Variants in TRHDE observed in about 807,000 individuals in gnomAD.
TRHDE encodes the protein thyrotropin-releasing hormone-degrading ectoenzyme.
TRHDE carries 72 observed loss-of-function variants against 125.7 expected under a neutral mutation model. The observed-to-expected ratio is 0.57, with a 90% confidence interval of 0.47 to 0.70. The LOEUF is 0.70. Among genes scored for constraint, TRHDE ranks in the 30% least tolerant of loss-of-function variants. The pLI, the probability that TRHDE is intolerant of heterozygous loss-of-function variation, is 0.00. For synonymous variants in TRHDE, 509 were observed against 509.1 expected (o/e 1.00, Z 0.00); for missense variants, 1,110 against 1,327.1 (o/e 0.84, Z 2.54).
chr12:72,174,654 T>C (rs1592470067), intron 2 of TRHDE, among the ~76,000 whole-genome samples: 1 of 152,170 alleles, frequency 6.6e-6, no homozygotes, highest in African/African-American at 2.4e-5. Flanking sequence ...CGTCTTTTAG[T>C]TGGAATTTGT....
intron 2 of TRHDE, among the ~76,000 whole-genome samples, chr12:72,320,442 A>G (rs890432832): frequency 1.3e-5 from 2 of 152,012 alleles, no homozygotes; most frequent in Non-Finnish European, 1.5e-5. Flanking sequence ...AAATCTGTAC[A>G]TGTTCAGTGC....
chr12:72,465,887 C>T (rs1317144629), intron 3 of TRHDE, among the ~76,000 whole-genome samples: 1 of 152,130 alleles, frequency 6.6e-6, no homozygotes, highest in Non-Finnish European at 1.5e-5. Context: ...CCTACTCTGC[C>T]GTTTATAATC....
chr12:72,344,847 T>C (rs1870243095), intron 2 of TRHDE, among the ~76,000 whole-genome samples: 1 of 152,006 alleles, frequency 6.6e-6, no homozygotes, highest in African/African-American at 2.4e-5. Flanking sequence ...CACCCCTGGC[T>C]GCACATCTGT....
chr12:72,250,737 A>G (rs1878662686), intron 2 of TRHDE, among the ~76,000 whole-genome samples: 1 of 151,476 alleles, frequency 6.6e-6, no homozygotes, highest in Non-Finnish European at 1.5e-5. Context: ...AGAAAAGGCC[A>G]GAGATAGTCT....
intron 2 of TRHDE, among the ~76,000 whole-genome samples, chr12:72,124,775 G>A (rs1039229902): frequency 3.3e-5 from 5 of 152,116 alleles, no homozygotes; most frequent in Non-Finnish European, 5.9e-5. Context: ...CAGGCATGGT[G>A]GCACATGTCT....
intron 15 of TRHDE, among the ~76,000 whole-genome samples, chr12:72,640,923 G>A (rs1185345725): frequency 2.0e-5 from 3 of 152,196 alleles, no homozygotes; most frequent in African/African-American, 7.2e-5. Flanking sequence ...AGAGAGGCTA[G>A]TGGTTTGAGA....
chr12:72,328,575 A>G (rs539378211), intron 2 of TRHDE, among the ~76,000 whole-genome samples: 35 of 152,248 alleles, frequency 2.3e-4, no homozygotes, highest in East Asian at 1.2e-3. Context: ...CATACGTATC[A>G]TCTTTATTCT....
At chr12:72,264,313 T>G (rs1467578452) in intron 2 of TRHDE, 4 of 152,040 alleles carry the variant, frequency 2.6e-5, no homozygotes, top group Middle Eastern at 6.3e-3. Flanking sequence ...ATGTTAGAAG[T>G]AAGCTGCATA....
chr12:72,357,062 T>C (rs1870857053), intron 2 of TRHDE, among the ~76,000 whole-genome samples: 1 of 151,576 alleles, frequency 6.6e-6, no homozygotes, highest in Non-Finnish European at 1.5e-5. Flanking sequence ...TCTGCTTTTA[T>C]GTATACTTAA....
chr12:72,194,396 G>A (rs1302691583), intron 2 of TRHDE, among the ~76,000 whole-genome samples: 2 of 152,084 alleles, frequency 1.3e-5, no homozygotes, highest in Non-Finnish European at 2.9e-5. Flanking sequence ...CCAATTGCCT[G>A]TAGAGCACCC....
intron 2 of TRHDE, among the ~76,000 whole-genome samples, chr12:72,348,939 G>T (rs1403951203): frequency 6.6e-6 from 1 of 151,862 alleles, no homozygotes; most frequent in Admixed American, 6.6e-5. Context: ...ATGGTATATG[G>T]TAAGTTTGAT....
intron 12 of TRHDE, among the ~76,000 whole-genome samples, chr12:72,592,610 A>G (rs1871733729): frequency 6.7e-6 from 1 of 149,238 alleles, no homozygotes; most frequent in Non-Finnish European, 1.5e-5. Flanking sequence ...TTTTCCAAGT[A>G]ATTTTCTTGG....
At chr12:72,491,381 T>C (rs1383186479) in intron 5 of TRHDE, among the ~76,000 whole-genome samples, 2 of 151,932 alleles carry the variant, frequency 1.3e-5, no homozygotes, top group African/African-American at 4.8e-5. Context: ...ATTATCATAA[T>C]TAATGAAAAT....
rs982879942 is a variant in TRHDE, at chr12:72,544,922, T to A, written c.1788+2566T>A. ...TTTGTATGGGAATATATTTTAAATT[T>A]CAATTTAAACATATATTTTTCAGCA... On this transcript the variant is annotated intron_variant, in intron 7 of 18. Transcript: ENST00000261180. Among the ~76,000 whole-genome samples the A allele has an allele frequency of 2.0e-5, 3 of 151,486 alleles. No homozygotes were observed. The Admixed American group carries it at 2.0e-4, about 10-fold the overall frequency.
At chr12:72,519,495 C>A (rs1879064707) in intron 6 of TRHDE, among the ~76,000 whole-genome samples, 1 of 152,162 alleles carries the variant, frequency 6.6e-6, no homozygotes, top group Admixed American at 6.5e-5. Context: ...TCAGCTCCAT[C>A]AGCTCCTTTA....
intron 2 of TRHDE, among the ~76,000 whole-genome samples, chr12:72,361,438 T>C (rs1871075644): frequency 6.6e-6 from 1 of 151,960 alleles, no homozygotes; most frequent in South Asian, 2.1e-4. Flanking sequence ...GTGTAAAAGA[T>C]AAAAAATATC....
At chr12:72,401,772 G>C (rs1873051962) in intron 3 of TRHDE, among the ~76,000 whole-genome samples, 1 of 152,198 alleles carries the variant, frequency 6.6e-6, no homozygotes, top group Non-Finnish European at 1.5e-5. Flanking sequence ...CATTTGGAAA[G>C]AGAATAGTAA....
intron 2 of TRHDE, among the ~76,000 whole-genome samples, chr12:72,240,887 A>T (rs942866044): frequency 1.3e-5 from 2 of 152,086 alleles, no homozygotes; most frequent in South Asian, 2.1e-4. Context: ...AATCAATTTT[A>T]AAAAATAAAC....
At chr12:72,282,857 A>G (rs1242585387) in intron 1 of TRHDE, among the ~76,000 whole-genome samples, 1 of 152,204 alleles carries the variant, frequency 6.6e-6, no homozygotes, top group East Asian at 1.9e-4. Context: ...TACAGTGGAC[A>G]TCTGCAATGT....
Sources: gnomAD v4.1 joint callset for allele counts (sites outside exome capture counted in the v4.1 genomes callset) on GRCh38, gnomAD v4.1.1 for gene constraint, MANE v1.5 for transcripts, NCBI Gene and HGNC (gene_info 2026-07-23, HGNC 2026-07-21) for gene names.